PTK2: variants seen among roughly 807,000 people sequenced by gnomAD.
The protein encoded by PTK2 is protein tyrosine kinase 2.
A neutral mutation model predicts 150.1 loss-of-function variants in PTK2; 45 were observed. The observed-to-expected ratio is 0.30, with a 90% CI of 0.24 to 0.38. PTK2 has a LOEUF of 0.38. PTK2 is among the 10% of genes least tolerant of loss of function. The probability of loss-of-function intolerance (pLI) is 1.00; values close to 1 mark genes in which losing one functional copy is unlikely to be tolerated. For missense variants in PTK2, 919 were observed against 1,307.3 expected, an observed-to-expected ratio of 0.70 and a Z score of 4.58; for synonymous variants, 432 against 449.2, an observed-to-expected ratio of 0.96 and a Z score of 0.48.
At chr8:140,831,916 C>T (rs1011322922) in intron 7 of PTK2, among the ~76,000 whole-genome samples, 4 of 152,158 alleles carry the variant, frequency 2.6e-5, no homozygotes, top group African/African-American at 9.7e-5. Context: ...AATTTTTATG[C>T]CAATCACTAC....
chr8:140,920,206 A>C (rs966459334), intron 2 of PTK2, among the ~76,000 whole-genome samples: 8 of 152,172 alleles, frequency 5.3e-5, no homozygotes, highest in African/African-American at 1.9e-4. Context: ...GTCAAGCACC[A>C]ATTACATAGC....
chr8:140,735,548 A>G lies in PTK2; in HGVS notation c.1826-93T>C, dbSNP rs1305052136. 5.4e-6 allele frequency: 7 copies of G among 1,286,856 alleles called. No homozygotes were observed. The East Asian group carries it at 1.6e-4, about 30-fold the overall frequency. 79.7% of individuals were successfully genotyped at this position (1,286,856 alleles called of 1,614,324 possible). A position where few individuals can be genotyped will look rare whatever the true frequency, so the allele number is the denominator to read the frequency against. On this transcript the variant is annotated intron_variant, in intron 21 of 31. Transcript: ENST00000522684. Reference sequence around the variant, plus strand: ...ACATTGTTCTTCTAGGCACTCGAGTACCAGCTGGGAGGTAATGGGCAAATT... The same window carrying G: ...ACATTGTTCTTCTAGGCACTCGAGTGCCAGCTGGGAGGTAATGGGCAAATT...
At chr8:140,692,640 C>T (rs2100023867) in intron 26 of PTK2, among the ~76,000 whole-genome samples, 1 of 113,772 alleles carries the variant, frequency 8.8e-6, no homozygotes, top group Non-Finnish European at 2.0e-5. Flanking sequence ...AACAAACAAG[C>T]CAAAAAAAAA....
At chr8:140,932,462 C>A (rs1001017127) in intron 1 of PTK2, among the ~76,000 whole-genome samples, 10 of 152,016 alleles carry the variant, frequency 6.6e-5, no homozygotes, top group African/African-American at 2.2e-4. Context: ...GTGATCCACC[C>A]GCATCAGCCT....
exon 24 of PTK2, chr8:140,706,187 G>A (rs2154144982): frequency 1.2e-6 from 2 of 1,613,272 alleles, no homozygotes; most frequent in Admixed American, 3.3e-5. Flanking sequence ...CTCGGACTGG[G>A]ATAACCCGGT....
intron 30 of PTK2, 133 bp from the exon 35 acceptor site, chr8:140,665,130 C>A (rs1320963117): frequency 2.2e-5 from 17 of 763,350 alleles, no homozygotes; most frequent in African/African-American, 3.5e-5. Flanking sequence ...CAGTGCTTAG[C>A]CCTATCTTGT....
At chr8:140,867,709 A>G (rs965087913) in intron 4 of PTK2, among the ~76,000 whole-genome samples, 2 of 152,178 alleles carry the variant, frequency 1.3e-5, no homozygotes, top group Non-Finnish European at 2.9e-5. Flanking sequence ...TAGTTTACCT[A>G]TGTAACAAAT....
At chr8:140,955,769 C>G (rs6578147) in intron 1 of PTK2, among the ~76,000 whole-genome samples, 67,167 of 151,892 alleles carry the variant, frequency 0.44, 15,236 homozygotes, top group Admixed American at 0.55. Context: ...GAACCAATTC[C>G]ATTTCCACAG....
intron 22 of PTK2, among the ~76,000 whole-genome samples, chr8:140,722,066 A>G (rs2100043185): frequency 6.6e-6 from 1 of 152,248 alleles, no homozygotes; most frequent in Non-Finnish European, 1.5e-5. Context: ...GGATGAATAA[A>G]GCCCTATCAG....
At chr8:140,877,526 C>A (rs371067973) in intron 4 of PTK2, among the ~76,000 whole-genome samples, 2 of 152,148 alleles carry the variant, frequency 1.3e-5, no homozygotes, top group African/African-American at 4.8e-5. Context: ...AAAATAAGAA[C>A]GATAGTCTCT....
chr8:140,925,102 T>C (rs1381367346), intron 2 of PTK2, among the ~76,000 whole-genome samples: 1 of 152,170 alleles, frequency 6.6e-6, no homozygotes, highest in East Asian at 1.9e-4. Context: ...AACTTTCACA[T>C]TTCTCATATA....
At chr8:140,882,805 CAG>C (rs1287617841) in intron 3 of PTK2, among the ~76,000 whole-genome samples, 4 of 152,154 alleles carry the variant, frequency 2.6e-5, no homozygotes, top group Admixed American at 2.0e-4. Flanking sequence ...TGCATAGAAA[CAG>C]ACAAAATTTC....
At chr8:140,878,540 G>A (rs2100147017) in intron 4 of PTK2, among the ~76,000 whole-genome samples, 1 of 152,028 alleles carries the variant, frequency 6.6e-6, no homozygotes, top group African/African-American at 2.4e-5. Context: ...GCTGCAGTGA[G>A]CCATGTTCAT....
intron 1 of PTK2, among the ~76,000 whole-genome samples, chr8:140,952,478 T>A (rs77874205): frequency 0.013 from 1,996 of 152,240 alleles, 19 homozygotes; most frequent in Non-Finnish European, 0.022. Flanking sequence ...GGAAACTGTA[T>A]GACATAATTT....
At chr8:140,864,816 A>C (rs1209555585) in intron 4 of PTK2, among the ~76,000 whole-genome samples, 1 of 152,168 alleles carries the variant, frequency 6.6e-6, no homozygotes, top group Non-Finnish European at 1.5e-5. Context: ...AACCAACATC[A>C]CCAGAATGCT....
intron 4 of PTK2, among the ~76,000 whole-genome samples, chr8:140,874,865 G>C (rs375345959): frequency 1.3e-5 from 2 of 152,058 alleles, no homozygotes; most frequent in East Asian, 3.9e-4. Flanking sequence ...TTTTACACAT[G>C]CATTATCAAT....
At chr8:140,966,090 T>C (rs1182527798) in intron 1 of PTK2, among the ~76,000 whole-genome samples, 1 of 152,212 alleles carries the variant, frequency 6.6e-6, no homozygotes, top group Non-Finnish European at 1.5e-5. Flanking sequence ...ACATCACTTG[T>C]TGAATTATTC....
intron 1 of PTK2, among the ~76,000 whole-genome samples, chr8:140,981,105 A>G (rs1291867875): frequency 1.3e-5 from 2 of 151,678 alleles, no homozygotes; most frequent in African/African-American, 2.4e-5. Flanking sequence ...GGAAAAAAAA[A>G]AAAAGAAAAG....
intron 1 of PTK2, among the ~76,000 whole-genome samples, chr8:140,968,553 A>G (rs1472126344): frequency 6.6e-6 from 1 of 152,246 alleles, no homozygotes; most frequent in Non-Finnish European, 1.5e-5. Context: ...CAAGGATCAG[A>G]TATGAATGCA....
Sources: allele counts gnomAD v4.1 joint callset (sites outside exome capture counted in the v4.1 genomes callset), GRCh38; gene constraint gnomAD v4.1.1; transcripts MANE v1.5; gene names NCBI Gene and HGNC (gene_info 2026-07-23, HGNC 2026-07-21).